The following FAAH2 variants were observed in gnomAD, a reference collection of about 807,000 sequenced individuals.
The protein encoded by FAAH2 is fatty acid amide hydrolase 2.
FAAH2 carries 60 observed loss-of-function variants against 36.9 expected under a neutral mutation model. The ratio of observed to expected loss-of-function variants is 1.63; its 90% CI spans 1.32 to 2.02. FAAH2 has a LOEUF of 2.02. FAAH2 is among the 30% of genes most tolerant of loss of function. The pLI is 0.00. For synonymous variants in FAAH2, 214 were observed against 143.8 expected, an observed-to-expected ratio of 1.49 and a Z score of -3.49; for missense variants, 689 against 397.5, an observed-to-expected ratio of 1.73 and a Z score of -6.23.
chrX:57,173,880 G>A, the FAAH2 span, among the ~76,000 whole-genome samples: 1 of 111,032 alleles, frequency 9.0e-6, no homozygotes, highest in Admixed American at 9.6e-5. Flanking sequence ...TTATTTACCT[G>A]GATATGTTGA....
chrX:57,387,999 G>T (rs1300748677), intron 7 of FAAH2, among the ~76,000 whole-genome samples: 1 of 110,490 alleles, frequency 9.1e-6, no homozygotes, highest in Non-Finnish European at 1.9e-5. Flanking sequence ...GGACAGGATG[G>T]CTATATTTTA....
chrX:57,179,416 G>A, the FAAH2 span, among the ~76,000 whole-genome samples: 1 of 111,383 alleles, frequency 9.0e-6, no homozygotes, highest in African/African-American at 3.3e-5. Flanking sequence ...CAAAATAAAG[G>A]GATAAAGAAA....
the FAAH2 span, among the ~76,000 whole-genome samples, chrX:57,202,904 C>T: frequency 3.6e-5 from 4 of 111,933 alleles, no homozygotes; most frequent in African/African-American, 9.7e-5. Context: ...AAAAGCCTCA[C>T]CCCATCATCA....
the FAAH2 span, chrX:57,136,908 C>G: frequency 2.9e-6 from 2 of 700,406 alleles, no homozygotes; most frequent in African/African-American, 4.4e-5. Context: ...CACTAGCATC[C>G]ACTCCCAATC....
At chrX:57,310,550 T>C in intron 2 of FAAH2, 43 bp from the exon 3 acceptor site, 1 of 1,168,480 alleles carries the variant, frequency 8.6e-7, no homozygotes, top group Non-Finnish European at 1.1e-6. Context: ...GTTGGTTGGA[T>C]GACTTGTTTA....
the FAAH2 span, among the ~76,000 whole-genome samples, chrX:57,268,084 C>T: frequency 4.5e-5 from 5 of 111,404 alleles, no homozygotes; most frequent in Non-Finnish European, 5.7e-5. Flanking sequence ...TAACTCAATG[C>T]GAGGAATCAA....
At chrX:57,404,588 G>A (rs764455757) in intron 7 of FAAH2, among the ~76,000 whole-genome samples, 20 of 111,602 alleles carry the variant, frequency 1.8e-4, no homozygotes, top group African/African-American at 5.5e-4. Flanking sequence ...GGACACCAGC[G>A]ACAAGACTCC....
chrX:57,270,493 A>G, the FAAH2 span, among the ~76,000 whole-genome samples: 3 of 112,345 alleles, frequency 2.7e-5, no homozygotes, highest in East Asian at 2.8e-4. Flanking sequence ...ACTGAATTCA[A>G]CAGCACATTG....
chrX:57,485,139 G>A (rs1249901699), intron 10 of FAAH2, among the ~76,000 whole-genome samples: 1 of 111,863 alleles, frequency 8.9e-6, no homozygotes, highest in Non-Finnish European at 1.9e-5. Flanking sequence ...ATGGAAAGTG[G>A]GAGCTGTGAG....
intron 7 of FAAH2, chrX:57,394,935 G>T (rs1358827987): frequency 1.8e-5 from 11 of 620,592 alleles, no homozygotes; most frequent in African/African-American, 1.5e-4. Flanking sequence ...CTGGCAATCT[G>T]CACCCCTGTC....
At chrX:57,352,698 A>G (rs1323382274) in intron 5 of FAAH2, among the ~76,000 whole-genome samples, 2 of 111,395 alleles carry the variant, frequency 1.8e-5, no homozygotes, top group East Asian at 2.8e-4. Context: ...ATATAATCTT[A>G]GATATAGAAA....
intron 10 of FAAH2, among the ~76,000 whole-genome samples, chrX:57,476,038 G>C (rs1005391840): frequency 9.0e-6 from 1 of 111,463 alleles, no homozygotes; most frequent in Admixed American, 9.6e-5. Context: ...TTTGTACATC[G>C]ATTTTGTATC....
intron 7 of FAAH2, among the ~76,000 whole-genome samples, chrX:57,401,896 G>T (rs181677478): frequency 1.8e-5 from 2 of 111,313 alleles, no homozygotes; most frequent in East Asian, 5.7e-4. Context: ...GGGCTTTCAG[G>T]CATAATTAGA....
At chrX:57,308,017 A>C (rs1403958530) in intron 2 of FAAH2, among the ~76,000 whole-genome samples, 1 of 111,637 alleles carries the variant, frequency 9.0e-6, no homozygotes, top group Non-Finnish European at 1.9e-5. Context: ...ATGCATATAC[A>C]CCAAATTTTC....
chrX:57,173,889 G>T, the FAAH2 span, among the ~76,000 whole-genome samples: 11 of 111,081 alleles, frequency 9.9e-5, no homozygotes, highest in African/African-American at 3.3e-4. Context: ...TGGATATGTT[G>T]AAACATTCCT....
At chrX:57,230,313 T>C in the FAAH2 span, among the ~76,000 whole-genome samples, 3 of 112,223 alleles carry the variant, frequency 2.7e-5, no homozygotes, top group African/African-American at 9.7e-5. Flanking sequence ...GTTTGTGGAC[T>C]TGGGGAAAGG....
At chrX:57,229,553 G>A in the FAAH2 span, 4 of 111,802 alleles carry the variant, frequency 3.6e-5, no homozygotes, top group Non-Finnish European at 7.5e-5. Context: ...GGAAAGGGTA[G>A]CAATGAAGGA....
At chrX:57,471,610 AG>A (rs1369399308) in intron 10 of FAAH2, among the ~76,000 whole-genome samples, 47 of 112,160 alleles carry the variant, frequency 4.2e-4, no homozygotes, top group African/African-American at 1.5e-3. Flanking sequence ...CATAAATGGA[AG>A]AACATTCCAT....
rs1171394447 is a variant in FAAH2, at chrX:57,448,028, T to C, written c.1229-496T>C. On this transcript the variant is annotated intron_variant, in intron 9 of 10. Transcript: ENST00000374900. Reference sequence around the variant, plus strand: ...CCCTTTTCTGAAGGACTTGCTTTGATGTCCAGGCTGGAGTGCAGTGATGCA... The same window carrying C: ...CCCTTTTCTGAAGGACTTGCTTTGACGTCCAGGCTGGAGTGCAGTGATGCA... Among the ~76,000 whole-genome samples the C allele has an allele frequency of 4.5e-5, 5 of 112,098 alleles. No individual in the cohort carries two copies. The Admixed American group carries it at 4.7e-4, about 11-fold the overall frequency.
Sources: gnomAD v4.1 joint callset for allele counts (sites outside exome capture counted in the v4.1 genomes callset) on GRCh38, gnomAD v4.1.1 for gene constraint, MANE v1.5 for transcripts, NCBI Gene and HGNC (gene_info 2026-07-23, HGNC 2026-07-21) for gene names.